Variants in PPM1H observed in about 807,000 individuals in gnomAD.
PPM1H encodes protein phosphatase, Mg2+/Mn2+ dependent 1H.
In PPM1H, 27 loss-of-function variants were observed where a neutral mutation model predicts 54.9. The observed-to-expected ratio is 0.49, with a 90% CI of 0.36 to 0.68. PPM1H has a LOEUF of 0.68. Among genes scored for constraint, PPM1H ranks in the 30% least tolerant of loss-of-function variants. The pLI, the probability that PPM1H is intolerant of heterozygous loss-of-function variation, is 0.00. For missense variants in PPM1H, 596 were observed against 667.8 expected, an observed-to-expected ratio of 0.89 and a Z score of 1.19; for synonymous variants, 305 against 270.8, an observed-to-expected ratio of 1.13 and a Z score of -1.24.
intron 3 of PPM1H, among the ~76,000 whole-genome samples, chr12:62,798,880 AC>A (rs1337929025): frequency 6.6e-6 from 1 of 151,826 alleles, no homozygotes; most frequent in East Asian, 1.9e-4. Context: ...GAGCCCCCAC[AC>A]CCCAGCATCA....
At chr12:62,762,849 G>GA (rs1480151252) in intron 4 of PPM1H, among the ~76,000 whole-genome samples, 1 of 152,216 alleles carries the variant, frequency 6.6e-6, no homozygotes, top group Non-Finnish European at 1.5e-5. Context: ...TACCGGTTAA[G>GA]AAATAAAGAA....
chr12:62,865,109 A>G (rs1344403066), intron 1 of PPM1H, among the ~76,000 whole-genome samples: 4 of 152,188 alleles, frequency 2.6e-5, no homozygotes, highest in Admixed American at 2.0e-4. Flanking sequence ...CCTTTTGCTC[A>G]TTCTCTCCAA....
chr12:62,767,013 G>A (rs970553135), intron 4 of PPM1H, among the ~76,000 whole-genome samples: 2 of 152,194 alleles, frequency 1.3e-5, no homozygotes, highest in Non-Finnish European at 2.9e-5. Flanking sequence ...GGTTAGGGCT[G>A]TGGGGGAAGC....
intron 1 of PPM1H, among the ~76,000 whole-genome samples, chr12:62,834,704 GTCA>G (rs779368432): frequency 1.3e-5 from 2 of 152,200 alleles, no homozygotes; most frequent in Non-Finnish European, 2.9e-5. Context: ...TCCAGGCCAA[GTCA>G]CTGGGGGGGC....
intron 1 of PPM1H, among the ~76,000 whole-genome samples, chr12:62,835,574 C>G (rs556785279): frequency 1.3e-5 from 2 of 152,166 alleles, no homozygotes; most frequent in Non-Finnish European, 2.9e-5. Context: ...ATGAATAGCA[C>G]TAATGAAGTA....
chr12:62,768,819 C>T (rs1389611173), intron 4 of PPM1H, among the ~76,000 whole-genome samples: 1 of 152,038 alleles, frequency 6.6e-6, no homozygotes, highest in Non-Finnish European at 1.5e-5. Flanking sequence ...GAACAAAGAA[C>T]ACTGGTGGAA....
At chr12:62,731,597 G>A (rs1364255189) in intron 5 of PPM1H, among the ~76,000 whole-genome samples, 1 of 152,114 alleles carries the variant, frequency 6.6e-6, no homozygotes, top group African/African-American at 2.4e-5. Context: ...TAGTTCCAAG[G>A]ACATTGCAAG....
chr12:62,840,755 A>T (rs1592628976), intron 1 of PPM1H, among the ~76,000 whole-genome samples: 1 of 152,312 alleles, frequency 6.6e-6, no homozygotes, highest in East Asian at 1.9e-4. Context: ...ACGAAATTTT[A>T]TAGGAGCTTT....
At position 62,896,147 on chromosome 12, in the gene PPM1H, G is replaced by T. The variant is rs950692192; in HGVS notation, c.245+38345C>A. Among the ~76,000 whole-genome samples the T allele has an allele frequency of 2.2e-4, 34 of 152,236 alleles. 1 individual carries two copies. The Middle Eastern group carries it at 0.01, about 46-fold the overall frequency. ...GTGAATACCGGCTAATTATTGCAACGATGTTTGCTTCCAAGCATTAAAAAA... is the reference window on the plus strand; with the variant it reads ...GTGAATACCGGCTAATTATTGCAACTATGTTTGCTTCCAAGCATTAAAAAA... On this transcript the variant is annotated intron_variant, in intron 1 of 9. Coordinates refer to ENST00000228705, the MANE Select transcript of PPM1H (RefSeq NM_020700.2).
At chr12:62,924,234 CGACA>C (rs1328861689) in intron 1 of PPM1H, among the ~76,000 whole-genome samples, 1 of 152,116 alleles carries the variant, frequency 6.6e-6, no homozygotes, top group Non-Finnish European at 1.5e-5. Context: ...GTAGCCAACT[CGACA>C]ACTGTAGGCA....
chr12:62,784,416 T>A (rs533690170), intron 4 of PPM1H, among the ~76,000 whole-genome samples: 1 of 152,300 alleles, frequency 6.6e-6, no homozygotes, highest in Non-Finnish European at 1.5e-5. Flanking sequence ...TTCCTGACCA[T>A]TGGCAGCTTC....
chr12:62,858,904 A>G (rs777251956), intron 1 of PPM1H, among the ~76,000 whole-genome samples: 27 of 152,250 alleles, frequency 1.8e-4, no homozygotes, highest in Non-Finnish European at 3.4e-4. Context: ...TTTAATTCAT[A>G]GAATTTCAAG....
intron 1 of PPM1H, among the ~76,000 whole-genome samples, chr12:62,834,804 G>A (rs1592625242): frequency 6.6e-6 from 1 of 152,164 alleles, no homozygotes; most frequent in Non-Finnish European, 1.5e-5. Context: ...CCAGGCAGAG[G>A]AAGGAGGTCC....
chr12:62,660,979 G>A (rs2075879430), intron 9 of PPM1H, among the ~76,000 whole-genome samples: 2 of 152,026 alleles, frequency 1.3e-5, no homozygotes, highest in Non-Finnish European at 2.9e-5. Context: ...ATTCCATATC[G>A]TTACCACAGA....
chr12:62,703,549 C>T (rs146555606), intron 6 of PPM1H, among the ~76,000 whole-genome samples: 109 of 152,116 alleles, frequency 7.2e-4, no homozygotes, highest in African/African-American at 2.5e-3. Flanking sequence ...GAAACATCTT[C>T]GGTCCCCCTT....
chr12:62,782,348 T>C (rs941259660), intron 4 of PPM1H, among the ~76,000 whole-genome samples: 4 of 152,222 alleles, frequency 2.6e-5, no homozygotes, highest in African/African-American at 7.2e-5. Flanking sequence ...ATGCCACAGA[T>C]GTGTAATTGA....
intron 4 of PPM1H, among the ~76,000 whole-genome samples, chr12:62,744,058 A>G (rs1182309806): frequency 2.0e-5 from 3 of 151,772 alleles, no homozygotes; most frequent in Admixed American, 1.3e-4. Flanking sequence ...TACAATTCAG[A>G]CTTTTGACGT....
At chr12:62,725,891 C>A (rs926918556) in intron 5 of PPM1H, among the ~76,000 whole-genome samples, 3 of 152,124 alleles carry the variant, frequency 2.0e-5, no homozygotes, top group Non-Finnish European at 4.4e-5. Context: ...GTCACCCCCC[C>A]ACTGATACTG....
Position 62,855,015 on chromosome 12 carries a change from C to G in PPM1H, c.246-22736G>C, listed in dbSNP as rs995184109. Among the ~76,000 whole-genome samples, 6 of 152,176 alleles carry G rather than the reference C, an allele frequency of 3.9e-5. No individual in the cohort carries two copies. The East Asian group carries it at 9.7e-4, about 25-fold the overall frequency. On this transcript the variant is annotated intron_variant, in intron 1 of 9. Transcript: ENST00000228705. The stretch of plus-strand genomic sequence containing the variant: ...ACTAATATAGTTTCCTCTAAACCAG[C>G]CACTTTCCAGAGTCAAACACAGGAG...
Sources: allele counts gnomAD v4.1 joint callset (sites outside exome capture counted in the v4.1 genomes callset), GRCh38; gene constraint gnomAD v4.1.1; transcripts MANE v1.5; gene names NCBI Gene and HGNC (gene_info 2026-07-23, HGNC 2026-07-21).